The following KIAA0586 variants were observed in gnomAD, a reference collection of about 807,000 sequenced individuals.
KIAA0586 encodes protein TALPID3.
Under a neutral mutation model 169.8 loss-of-function variants are expected in KIAA0586, and 144 were observed. The observed-to-expected ratio is 0.85, with a 90% confidence interval of 0.74 to 0.97. The LOEUF is 0.97. KIAA0586 is among the 50% of genes least tolerant of loss of function. KIAA0586 has a pLI of 0.00. For synonymous variants in KIAA0586, 625 were observed against 612.4 expected, an observed-to-expected ratio of 1.02 and a Z score of -0.30; for missense variants, 1,854 against 1,823.0, an observed-to-expected ratio of 1.02 and a Z score of -0.31.
chr14:58,463,520 T>C (rs2040496894), intron 14 of KIAA0586, among the ~76,000 whole-genome samples: 1 of 152,152 alleles, frequency 6.6e-6, no homozygotes, highest in Non-Finnish European at 1.5e-5. Flanking sequence ...CCTGGGGTCA[T>C]AAACAAAAAG....
chr14:58,466,068 A>T, intron 15 of KIAA0586, 39 bp downstream of exon 15: 3 of 1,376,340 alleles, frequency 2.2e-6, no homozygotes, highest in Non-Finnish European at 3.0e-6. Flanking sequence ...ATTTTATTTT[A>T]TTTATTTATT....
intron 29 of KIAA0586, among the ~76,000 whole-genome samples, chr14:58,525,547 C>T (rs1030888562): frequency 6.6e-6 from 1 of 152,210 alleles, no homozygotes; most frequent in East Asian, 1.9e-4. Context: ...ATGCTTTTCC[C>T]ATGGTCTTTG....
At chr14:58,557,980 G>T in the KIAA0586 span, among the ~76,000 whole-genome samples, 1 of 131,742 alleles carries the variant, frequency 7.6e-6, no homozygotes, top group Non-Finnish European at 1.5e-5. Context: ...TGTGATCTTG[G>T]CTCACTAAAA....
intron 6 of KIAA0586, among the ~76,000 whole-genome samples, chr14:58,445,115 A>G (rs941468606): frequency 6.8e-6 from 1 of 147,488 alleles, no homozygotes; most frequent in African/African-American, 2.5e-5. Flanking sequence ...CTATATACAC[A>G]CACACATACA....
intron 6 of KIAA0586, among the ~76,000 whole-genome samples, chr14:58,445,392 A>C (rs2038787979): frequency 6.6e-6 from 1 of 151,884 alleles, no homozygotes; most frequent in Non-Finnish European, 1.5e-5. Flanking sequence ...AAGGAGCTGT[A>C]GCATACTTTC....
intron 12 of KIAA0586, 37 bp from the exon 13 acceptor site, chr14:58,459,806 A>G: frequency 8.9e-7 from 1 of 1,117,844 alleles, no homozygotes; most frequent in Admixed American, 2.6e-5. Flanking sequence ...TACTATTTGT[A>G]GACATTTTAA....
chr14:58,545,489 T>C (rs1299299727), intron 30 of KIAA0586, among the ~76,000 whole-genome samples: 1 of 152,220 alleles, frequency 6.6e-6, no homozygotes, highest in African/African-American at 2.4e-5. Context: ...ACTGTTGTTT[T>C]TGGCAGATGC....
At chr14:58,441,745 T>A (rs2038394811) in intron 4 of KIAA0586, 1 of 152,318 alleles carries the variant, frequency 6.6e-6, no homozygotes, top group East Asian at 1.9e-4. Context: ...GTGATTCTCC[T>A]GCCTCAGCCT....
chr14:58,453,297 C>T (rs2039554207), intron 8 of KIAA0586, 53 bp from the exon 9 acceptor site: 1 of 970,800 alleles, frequency 1.0e-6, no homozygotes, highest in African/African-American at 1.7e-5. Context: ...ATATTATATA[C>T]AAGAGAAATG....
chr14:58,478,333 A>T (rs1401378010), intron 20 of KIAA0586, among the ~76,000 whole-genome samples: 1 of 152,188 alleles, frequency 6.6e-6, no homozygotes, highest in Non-Finnish European at 1.5e-5. Context: ...AAATATAAAA[A>T]TTAGCTGGGT....
At position 58,488,666 on chromosome 14, in the gene KIAA0586, C is replaced by G. The variant is rs1246949237; in HGVS notation, c.3573C>G (p.Phe1191Leu). The change falls in exon 24 of 31, where the codon TTC becomes TTG. Residue 1191 changes from phenylalanine (F) to leucine (L), a missense_variant. By Grantham distance (22) the Phe-to-Leu change is conservative (BLOSUM62 0). Transcript: ENST00000652326. ...ATGAAGAACCAGAGAGTATGGATTTCCCTGCTCAGCCTCCACCTCCAGAGC... is the reference window on the plus strand; with the variant it reads ...ATGAAGAACCAGAGAGTATGGATTTGCCTGCTCAGCCTCCACCTCCAGAGC... ...AKDEEPESMD[F>L]PAQPPPPEPV... 1 of 1,613,828 alleles carries G rather than the reference C, an allele frequency of 6.2e-7. No homozygotes were observed. The highest frequency in any genetic ancestry group is 1.7e-5 in the Admixed American group (1 of 60,002).
At chr14:58,499,991 C>T (rs2043442161) in intron 27 of KIAA0586, among the ~76,000 whole-genome samples, 1 of 152,190 alleles carries the variant, frequency 6.6e-6, no homozygotes, top group Non-Finnish European at 1.5e-5. Context: ...ATTTCAGTAG[C>T]ACTCTGCATT....
intron 17 of KIAA0586, among the ~76,000 whole-genome samples, chr14:58,471,361 TG>T (rs1348296076): frequency 2.0e-5 from 3 of 152,226 alleles, no homozygotes; most frequent in African/African-American, 7.2e-5. Context: ...TAGTGACAGT[TG>T]GGAGTTTATA....
downstream of KIAA0586, among the ~76,000 whole-genome samples, chr14:58,554,138 G>A (rs959553847): frequency 6.6e-6 from 1 of 152,108 alleles, no homozygotes; most frequent in Non-Finnish European, 1.5e-5. Context: ...AAGAGAGGGC[G>A]AGCTTCAGTA....
chr14:58,547,746 G>A (rs747111266), intron 30 of KIAA0586, 35 bp from the exon 31 acceptor site: 11 of 1,575,010 alleles, frequency 7.0e-6, no homozygotes, highest in East Asian at 4.6e-5. Context: ...CTCAGGTTAC[G>A]CATGTTGAGC....
At chr14:58,556,143 A>G (rs575864863), downstream of KIAA0586, among the ~76,000 whole-genome samples, 1 of 152,370 alleles carries the variant, frequency 6.6e-6, no homozygotes, top group South Asian at 2.1e-4. Flanking sequence ...AGTTATGAGC[A>G]ATTCCAAATG....
chr14:58,482,848 C>G (rs1367918525), intron 21 of KIAA0586, 136 bp downstream of exon 21: 2 of 629,794 alleles, frequency 3.2e-6, no homozygotes, highest in African/African-American at 3.8e-5. Context: ...ATTGCCCTGG[C>G]TGGTCTTGAA....
chr14:58,552,402 A>G (rs2047218581), downstream of KIAA0586, among the ~76,000 whole-genome samples: 1 of 152,194 alleles, frequency 6.6e-6, no homozygotes, highest in Non-Finnish European at 1.5e-5. Context: ...AATAGGAAAT[A>G]TTAGCCAGAG....
intron 7 of KIAA0586, 56 bp downstream of exon 7, chr14:58,448,549 G>T: frequency 7.9e-7 from 1 of 1,258,640 alleles, no homozygotes; most frequent in South Asian, 1.6e-5. Context: ...TTTTCTTTGT[G>T]CTACATAAGC....
Sources: gnomAD v4.1 joint callset for allele counts (sites outside exome capture counted in the v4.1 genomes callset) on GRCh38, gnomAD v4.1.1 for gene constraint, MANE v1.5 for transcripts, NCBI Gene and HGNC (gene_info 2026-07-23, HGNC 2026-07-21) for gene names.